Variants in TEK observed in about 807,000 individuals in gnomAD.
TEK encodes the protein angiopoietin-1 receptor.
In TEK, 43 loss-of-function variants were observed where a neutral mutation model predicts 131.8. That is an observed-to-expected ratio of 0.33 (90% CI 0.26 to 0.42). The LOEUF (loss-of-function observed/expected upper bound fraction) is 0.42, where lower values mean the gene tolerates loss of function less well. TEK is among the 10% of genes least tolerant of loss of function. The probability of loss-of-function intolerance (pLI) is 1.00; values close to 1 mark genes in which losing one functional copy is unlikely to be tolerated. For missense variants in TEK, 1,162 were observed against 1,384.4 expected (o/e 0.84, Z 2.55); for synonymous variants, 580 against 491.6 (o/e 1.18, Z -2.38).
chr9:27,168,647 T>C, intron 3 of TEK, 42 bp downstream of exon 3: 1 of 1,353,964 alleles, frequency 7.4e-7, no homozygotes, highest in South Asian at 1.2e-5. Context: ...TGATGTGAGA[T>C]ATCAGATAAC....
At chr9:27,217,427 G>T (rs1057020317) in intron 18 of TEK, among the ~76,000 whole-genome samples, 1 of 152,174 alleles carries the variant, frequency 6.6e-6, no homozygotes, top group African/African-American at 2.4e-5. Context: ...GGGCTATAAG[G>T]TGAATAAGGA....
At chr9:27,184,532 T>A (rs1223149000) in intron 8 of TEK, among the ~76,000 whole-genome samples, 1 of 152,200 alleles carries the variant, frequency 6.6e-6, no homozygotes, top group Non-Finnish European at 1.5e-5. Context: ...TGTCCCTGAT[T>A]CCACTCAAAC....
At chr9:27,159,175 A>T (rs187415299) in intron 2 of TEK, among the ~76,000 whole-genome samples, 3 of 152,146 alleles carry the variant, frequency 2.0e-5, no homozygotes, top group Non-Finnish European at 4.4e-5. Flanking sequence ...TCAGTTCCTT[A>T]TACTATAGCA....
intron 1 of TEK, among the ~76,000 whole-genome samples, chr9:27,145,148 C>G (rs1395088696): frequency 6.6e-6 from 1 of 152,180 alleles, no homozygotes; most frequent in East Asian, 1.9e-4. Context: ...AAATAGCCCC[C>G]TGATCTCCCC....
intron 1 of TEK, among the ~76,000 whole-genome samples, chr9:27,114,867 A>G (rs1290115490): frequency 6.6e-6 from 1 of 152,236 alleles, no homozygotes; most frequent in African/African-American, 2.4e-5. Context: ...CGTATTTTCT[A>G]TTCAATAGAT....
intron 1 of TEK, among the ~76,000 whole-genome samples, chr9:27,152,582 T>G: frequency 7.1e-6 from 1 of 141,204 alleles, no homozygotes; most frequent in Non-Finnish European, 1.5e-5. Flanking sequence ...AATAAAATCT[T>G]ATATGAAGCC....
intron 1 of TEK, among the ~76,000 whole-genome samples, chr9:27,121,842 C>T (rs2131042462): frequency 6.6e-6 from 1 of 152,306 alleles, no homozygotes; most frequent in East Asian, 1.9e-4. Flanking sequence ...CTTTTTAGAA[C>T]TGTGTATGTG....
intron 1 of TEK, among the ~76,000 whole-genome samples, chr9:27,134,104 G>A (rs1822328085): frequency 6.6e-6 from 1 of 152,206 alleles, no homozygotes. Context: ...TTAGATCGAA[G>A]GTTTGAGTGA....
chr9:27,110,172 CT>C (rs56159018), intron 1 of TEK, among the ~76,000 whole-genome samples: 47 of 144,894 alleles, frequency 3.2e-4, no homozygotes, highest in African/African-American at 1.1e-3. Flanking sequence ...AAATTGTAGG[CT>C]TTTTTTTTTT....
chr9:27,155,818 T>C (rs1424409810), intron 1 of TEK, among the ~76,000 whole-genome samples: 1 of 112,958 alleles, frequency 8.9e-6, no homozygotes, highest in Non-Finnish European at 1.9e-5. Flanking sequence ...GGAGCACTTT[T>C]GTTTTTTTTT....
chr9:27,118,748 A>T (rs1444357910), intron 1 of TEK, among the ~76,000 whole-genome samples: 2 of 152,182 alleles, frequency 1.3e-5, no homozygotes, highest in Non-Finnish European at 2.9e-5. Context: ...TCTGCCAATC[A>T]CTGGTCACAG....
intron 1 of TEK, among the ~76,000 whole-genome samples, chr9:27,153,276 G>C (rs954203131): frequency 6.6e-6 from 1 of 150,536 alleles, no homozygotes; most frequent in Non-Finnish European, 1.5e-5. Context: ...GTGAAACCCC[G>C]CCTCTACTAA....
Position 27,229,570 on chromosome 9 carries a change from A to T in TEK, c.*338A>T. 1 of 321,128 alleles carries T rather than the reference A, an allele frequency of 3.1e-6. No homozygotes were observed. Among genetic ancestry groups the T allele is most frequent in the South Asian group, 3.8e-5 (1 of 26,210 alleles). The allele number at this position is 321,128 out of a possible 1,614,324, so 19.9% of individuals were successfully genotyped here. On this transcript the variant is annotated 3_prime_UTR_variant, in exon 23 of 23. Transcript: ENST00000380036. ...ACTCATTGTTGTCCTAGATATTTTG[A>T]TATTTACCTTTATGTTGAATGCTAT...
chr9:27,116,731 G>A (rs909530229), intron 1 of TEK, among the ~76,000 whole-genome samples: 21 of 152,258 alleles, frequency 1.4e-4, no homozygotes, highest in Admixed American at 3.3e-4. Context: ...ATGAAGGAAC[G>A]AGAAAGAGCA....
At chr9:27,132,830 ATATC>A (rs1257736143) in intron 1 of TEK, among the ~76,000 whole-genome samples, 2 of 152,218 alleles carry the variant, frequency 1.3e-5, no homozygotes, top group Non-Finnish European at 2.9e-5. Context: ...CAAGAAATCT[ATATC>A]TATAGCAATC....
intron 12 of TEK, among the ~76,000 whole-genome samples, chr9:27,201,898 T>C (rs1034164642): frequency 1.3e-5 from 2 of 152,156 alleles, no homozygotes; most frequent in Non-Finnish European, 2.9e-5. Context: ...TCATAAAAAA[T>C]CTCAGTACTG....
chr9:27,119,242 G>A (rs1034801664), intron 1 of TEK, among the ~76,000 whole-genome samples: 6 of 152,068 alleles, frequency 3.9e-5, no homozygotes, highest in Non-Finnish European at 7.3e-5. Context: ...TCGAACTAGT[G>A]TTTCATGGTC....
chr9:27,199,246 T>C (rs1432099640), intron 12 of TEK, among the ~76,000 whole-genome samples: 1 of 152,262 alleles, frequency 6.6e-6, no homozygotes, highest in Non-Finnish European at 1.5e-5. Context: ...ATATTCTATC[T>C]TATGAATGTA....
At chr9:27,196,920 A>T (rs1310758943) in intron 11 of TEK, among the ~76,000 whole-genome samples, 3 of 151,968 alleles carry the variant, frequency 2.0e-5, no homozygotes, top group South Asian at 2.1e-4. Context: ...CGTGCAGGTT[A>T]GTTACATATG....
Sources: allele counts gnomAD v4.1 joint callset (sites outside exome capture counted in the v4.1 genomes callset), GRCh38; gene constraint gnomAD v4.1.1; transcripts MANE v1.5; gene names NCBI Gene and HGNC (gene_info 2026-07-23, HGNC 2026-07-21).